The following ANKRD66 variants were observed in gnomAD, a reference collection of about 807,000 sequenced individuals.
The protein encoded by ANKRD66 is ankyrin repeat domain 66.
In ANKRD66, 10 loss-of-function variants were observed where a neutral mutation model predicts 10.9. The ratio of observed to expected loss-of-function variants is 0.91; its 90% CI spans 0.56 to 1.55. ANKRD66 has a LOEUF of 1.55. Ranked by LOEUF, ANKRD66 falls within the 40% of genes most tolerant of loss-of-function variation. ANKRD66 has a pLI of 0.00. For missense variants in ANKRD66, 252 were observed against 242.9 expected, an observed-to-expected ratio of 1.04 and a Z score of -0.25; for synonymous variants, 85 against 88.4, an observed-to-expected ratio of 0.96 and a Z score of 0.22.
chr6:46,749,362 A>G (rs1766212750), intron 1 of ANKRD66, among the ~76,000 whole-genome samples: 1 of 152,104 alleles, frequency 6.6e-6, no homozygotes, highest in South Asian at 2.1e-4. Flanking sequence ...GAAACTGACC[A>G]TCTCACCGAC....
At chr6:46,755,347 G>A (rs1030934127) in intron 4 of ANKRD66, among the ~76,000 whole-genome samples, 1 of 152,120 alleles carries the variant, frequency 6.6e-6, no homozygotes, top group Non-Finnish European at 1.5e-5. Context: ...AGAGCAGCTT[G>A]GCTATCTCTT....
chr6:46,758,090 T>G (rs548234599), intron 4 of ANKRD66: 1 of 152,316 alleles, frequency 6.6e-6, no homozygotes, highest in South Asian at 2.1e-4. Context: ...CCTCTTAAAT[T>G]CCATTTGTCC....
chr6:46,750,719 C>T (rs2150726412), intron 2 of ANKRD66, among the ~76,000 whole-genome samples: 1 of 148,702 alleles, frequency 6.7e-6, no homozygotes, highest in African/African-American at 2.5e-5. Flanking sequence ...ATATAATATA[C>T]ACATATATAT....
intron 1 of ANKRD66, among the ~76,000 whole-genome samples, chr6:46,748,195 T>C (rs1766187682): frequency 1.3e-5 from 2 of 152,228 alleles, no homozygotes; most frequent in Non-Finnish European, 2.9e-5. Context: ...TCAGGAAGTG[T>C]GAGTCCTCTA....
chr6:46,748,466 TTTTA>T (rs1766191574), intron 1 of ANKRD66, among the ~76,000 whole-genome samples: 1 of 152,164 alleles, frequency 6.6e-6, no homozygotes, highest in African/African-American at 2.4e-5. Flanking sequence ...TAAAAAATGG[TTTTA>T]TTTTAGTGGC....
rs922158258 is a variant in ANKRD66 at position 46,748,569 on chromosome 6, A to C, written c.-96-1327A>C. On this transcript the variant is annotated intron_variant, in intron 1 of 4. Transcript: ENST00000565422. ...GTGTAAGGGATTTCTATTAAAATGA[A>C]TTTTGAAAGTAAAATGCAGTCTGTG... Among the ~76,000 whole-genome samples the C allele has an allele frequency of 2.6e-5, 4 of 152,342 alleles. No individual in the cohort carries two copies. In the South Asian group the frequency reaches 8.3e-4, roughly 32 times the overall value.
chr6:46,752,750 C>T (rs550642897), intron 3 of ANKRD66, among the ~76,000 whole-genome samples: 4 of 152,182 alleles, frequency 2.6e-5, no homozygotes, highest in Non-Finnish European at 5.9e-5. Context: ...CTCTCAACCT[C>T]TAACAGGAAT....
chr6:46,747,788 T>C (rs1766181530), intron 1 of ANKRD66, among the ~76,000 whole-genome samples: 1 of 152,220 alleles, frequency 6.6e-6, no homozygotes, highest in African/African-American at 2.4e-5. Context: ...TGGATATATG[T>C]TTTTCTTCTC....
chr6:46,758,518 C>T lies in ANKRD66; in HGVS notation c.393-205C>T, dbSNP rs112015884. 4.0e-4 allele frequency: 177 copies of T among 437,404 alleles called. 1 individual carries two copies. Among genetic ancestry groups the T allele is most frequent in the Middle Eastern group, 1.8e-3 (3 of 1,694 alleles). The allele number at this position is 437,404 out of a possible 1,614,324, so 27.1% of individuals were successfully genotyped here. A position where few individuals can be genotyped will look rare whatever the true frequency, so the allele number is the denominator to read the frequency against. On this transcript the variant is annotated intron_variant, in intron 4 of 4. Coordinates refer to ENST00000565422, the MANE Select transcript of ANKRD66 (RefSeq NM_001162435.3). ...TATCTTTGAGTCTGTTAACATCTCA[C>T]TCGGGTCCCACAATTTTTCTCCACC...
chr6:46,749,940 A>T lies in ANKRD66; in HGVS notation c.-52A>T, dbSNP rs560057131. Reference sequence around the variant, plus strand: ...TGCACTCACCTGGAGGGCTTACCACAACAAAGATGGCCGGACCCCTGCCCA... The same window carrying T: ...TGCACTCACCTGGAGGGCTTACCACTACAAAGATGGCCGGACCCCTGCCCA... On this transcript the variant is annotated 5_prime_UTR_variant, in exon 2 of 5. Coordinates refer to ENST00000565422, the MANE Select transcript of ANKRD66 (RefSeq NM_001162435.3). 2.6e-6 allele frequency: 4 copies of T among 1,543,880 alleles called. No homozygotes were observed. In the South Asian group the frequency reaches 3.6e-5, roughly 14 times the overall value.
chr6:46,754,360 T>A lies in ANKRD66; in HGVS notation c.392+410T>A, dbSNP rs116381887. On this transcript the variant is annotated intron_variant, in intron 4 of 4. Transcript: ENST00000565422. ...ACGAGGCAGGTGAATTAGACTTCCATTTTTCAGTGCCCTCCTATCTTTTAA... is the reference window on the plus strand; with the variant it reads ...ACGAGGCAGGTGAATTAGACTTCCAATTTTCAGTGCCCTCCTATCTTTTAA... Among the ~76,000 whole-genome samples, 1,160 of 152,272 alleles carry A rather than the reference T, an allele frequency of 7.6e-3. 13 individuals are homozygous for A. The highest frequency in any genetic ancestry group is 0.026 in the African/African-American group (1,080 of 41,540).
At chr6:46,758,520 C>G (rs916868216) in intron 4 of ANKRD66, 1 of 438,476 alleles carries the variant, frequency 2.3e-6, no homozygotes, top group Admixed American at 3.8e-5. Context: ...ACATCTCACT[C>G]GGGTCCCACA....
Position 46,749,756 on chromosome 6 carries a change from CG to C in ANKRD66, c.-96-139del. ...AGTCGCCAATATGTCTCTGACCCAT[CG>C]CATCAGGACCCAGCTTAGGCCACTT... On this transcript the variant is annotated intron_variant, in intron 1 of 4. Coordinates refer to ENST00000565422, the MANE Select transcript of ANKRD66 (RefSeq NM_001162435.3). The C allele has an allele frequency of 6.6e-6, 6 of 902,364 alleles. No homozygotes were observed. The South Asian group carries it at 1.3e-4, about 19-fold the overall frequency. 55.9% of individuals were successfully genotyped at this position (902,364 alleles called of 1,614,324 possible).
chr6:46,749,195 A>G (rs1766209534), intron 1 of ANKRD66, among the ~76,000 whole-genome samples: 1 of 152,136 alleles, frequency 6.6e-6, no homozygotes, highest in Admixed American at 6.5e-5. Flanking sequence ...TACACAATGG[A>G]GACTCTGCTG....
intron 2 of ANKRD66, among the ~76,000 whole-genome samples, chr6:46,750,726 A>G (rs988333449): frequency 2.0e-5 from 3 of 149,456 alleles, no homozygotes; most frequent in South Asian, 2.1e-4. Context: ...ATACACATAT[A>G]TATTATATAT....
At chr6:46,753,997 G>C (rs543756944) in intron 4 of ANKRD66, 47 bp downstream of exon 4, 601 of 1,478,202 alleles carry the variant, frequency 4.1e-4, no homozygotes, top group Non-Finnish European at 5.3e-4. Flanking sequence ...AGGAACAGGA[G>C]TCTGTGATCA....
At chr6:46,748,506 A>G (rs1023167130) in intron 1 of ANKRD66, among the ~76,000 whole-genome samples, 3 of 152,310 alleles carry the variant, frequency 2.0e-5, no homozygotes, top group African/African-American at 7.2e-5. Context: ...ACACTCTAGC[A>G]TTTTTGTTTA....
At position 46,758,979 on chromosome 6, in the gene ANKRD66, T is replaced by A; in HGVS notation, c.*58T>A. ...TTCCCTGGTGCCAGAAATGAGGCTG[T>A]TAGGCATGGTGGCCTTTCCATGACT... On this transcript the variant is annotated 3_prime_UTR_variant, in exon 5 of 5. Transcript: ENST00000565422. 1.4e-6 allele frequency: 2 copies of A among 1,469,786 alleles called. No homozygotes were observed. The highest frequency in any genetic ancestry group is 1.8e-6 in the Non-Finnish European group (2 of 1,097,608). 91.0% of individuals were successfully genotyped at this position (1,469,786 alleles called of 1,614,324 possible).
intron 2 of ANKRD66, among the ~76,000 whole-genome samples, chr6:46,750,955 A>G (rs1766257082): frequency 6.6e-6 from 1 of 152,180 alleles, no homozygotes; most frequent in African/African-American, 2.4e-5. Flanking sequence ...TTTGCCATGG[A>G]AAATATTGGT....
Sources: gnomAD v4.1 joint callset for allele counts (sites outside exome capture counted in the v4.1 genomes callset) on GRCh38, gnomAD v4.1.1 for gene constraint, MANE v1.5 for transcripts, NCBI Gene and HGNC (gene_info 2026-07-23, HGNC 2026-07-21) for gene names.